Variants in RADIL observed in about 807,000 individuals in gnomAD.
The protein encoded by RADIL is ras-associating and dilute domain-containing protein.
In RADIL, 99 loss-of-function variants were observed where a neutral mutation model predicts 97.6. That is an observed-to-expected ratio of 1.01 (90% CI 0.86 to 1.20). RADIL has a LOEUF of 1.20. Among genes scored for constraint, RADIL ranks in the 50% most tolerant of loss-of-function variants. The pLI is 0.00. For missense variants in RADIL, 1,765 were observed against 1,498.9 expected (o/e 1.18, Z -2.93); for synonymous variants, 803 against 691.8 (o/e 1.16, Z -2.52).
At position 4,821,795 on chromosome 7, in the gene RADIL, G is replaced by A. The variant is rs2115197476; in HGVS notation, c.1615+599C>T. Among the ~76,000 whole-genome samples, 1 of 152,272 alleles carries A rather than the reference G, an allele frequency of 6.6e-6. No individual in the cohort carries two copies. Among genetic ancestry groups the A allele is most frequent in the East Asian group, 1.9e-4 (1 of 5,164 alleles). ...CGCTTGAACCTGGGAGACGGAGCTTGCAGTGAGCCAAGATCGCACCATTGC... is the reference window on the plus strand; with the variant it reads ...CGCTTGAACCTGGGAGACGGAGCTTACAGTGAGCCAAGATCGCACCATTGC... On this transcript the variant is annotated intron_variant, in intron 6 of 14. Transcript: ENST00000399583. The surrounding 1 kb of genome is among the most constrained non-coding windows in gnomAD (Gnocchi z 5.2).
At position 4,861,655 on chromosome 7, in the gene RADIL, G is replaced by T. The variant is rs371428896; in HGVS notation, c.535+15950C>A. On this transcript the variant is annotated intron_variant, in intron 2 of 14. Transcript: ENST00000399583. ...GCTGCAGTTCCTCTTCCTCTTCGAA[G>T]ACCCCGAAGGGCCTGAGGGTTTCTA... 3 of 1,605,876 alleles carry T rather than the reference G, an allele frequency of 1.9e-6. No individual in the cohort carries two copies. In the South Asian group the frequency reaches 3.3e-5, roughly 18 times the overall value.
chr7:4,815,221 C>G lies in RADIL; in HGVS notation c.2139+57G>C. 6.9e-7 allele frequency: 1 copy of G among 1,456,400 alleles called. No individual in the cohort carries two copies. The highest frequency in any genetic ancestry group is 2.6e-5 in the East Asian group (1 of 38,544). The allele number at this position is 1,456,400 out of a possible 1,614,324, so 90.2% of individuals were successfully genotyped here. ...CAGGCTTGGTTTGTGAGCCAGGGAC[C>G]CACAGCATGTGGCCCCGCCCCTCCC... is the stretch of plus-strand genomic sequence containing the variant. On this transcript the variant is annotated intron_variant, in intron 9 of 14. Coordinates refer to ENST00000399583, the MANE Select transcript of RADIL (RefSeq NM_018059.5). This position sits in a 1 kb window ranked among gnomAD's most constrained non-coding sequence, Gnocchi z 8.0.
At chr7:4,828,159 A>G (rs1396472995) in intron 5 of RADIL, among the ~76,000 whole-genome samples, 1 of 152,256 alleles carries the variant, frequency 6.6e-6, no homozygotes, top group Non-Finnish European at 1.5e-5. Flanking sequence ...GAGGCTCCTC[A>G]AAATATTAAA....
At position 4,817,629 on chromosome 7, in the gene RADIL, A is replaced by C. The variant is rs1355056067; in HGVS notation, c.1616-278T>G. On this transcript the variant is annotated intron_variant, in intron 6 of 14. Transcript: ENST00000399583. The surrounding 1 kb of genome is among the most constrained non-coding windows in gnomAD (Gnocchi z 8.3). ...CCAGCCCAGCCCAGCCCAAGCGCTC[A>C]TTCACTCCCACGTTCTGGATACGTT... Among the ~76,000 whole-genome samples the C allele has an allele frequency of 6.6e-6, 1 of 152,050 alleles. No individual in the cohort carries two copies. Among genetic ancestry groups the C allele is most frequent in the Non-Finnish European group, 1.5e-5 (1 of 68,002 alleles).
intron 9 of RADIL, among the ~76,000 whole-genome samples, chr7:4,807,156 T>A (rs1782337718): frequency 6.6e-6 from 1 of 152,004 alleles, no homozygotes; most frequent in African/African-American, 2.4e-5. Context: ...GCTCTGTTTC[T>A]CTCCCATGTG....
At chr7:4,820,486 G>C (rs954234981) in intron 6 of RADIL, among the ~76,000 whole-genome samples, 9 of 152,350 alleles carry the variant, frequency 5.9e-5, no homozygotes, top group African/African-American at 1.9e-4. Flanking sequence ...GGGGGGCAAG[G>C]GCACAGGCCA....
chr7:4,829,264 G>C (rs1051521576), intron 5 of RADIL, among the ~76,000 whole-genome samples: 27 of 152,200 alleles, frequency 1.8e-4, no homozygotes, highest in Non-Finnish European at 3.7e-4. Flanking sequence ...GTCAGGCTGG[G>C]AGGCAGAGCC....
rs1304873013 is a variant in RADIL at position 4,821,323 on chromosome 7, C to T, written c.1615+1071G>A. Among the ~76,000 whole-genome samples, 2 of 152,176 alleles carry T rather than the reference C, an allele frequency of 1.3e-5. No homozygotes were observed. Among genetic ancestry groups the T allele is most frequent in the East Asian group, 3.9e-4 (2 of 5,176 alleles). ...CCGTTGGGGGCAGAACCAAGGCTTC[C>T]CATGAGAGGTCTGGCCCCCAGTTCC... On this transcript the variant is annotated intron_variant, in intron 6 of 14. Coordinates refer to ENST00000399583, the MANE Select transcript of RADIL (RefSeq NM_018059.5). This position sits in a 1 kb window ranked among gnomAD's most constrained non-coding sequence, Gnocchi z 5.2.
chr7:4,805,741 G>A, intron 9 of RADIL, 25 bp from the exon 10 acceptor site: 2 of 1,596,786 alleles, frequency 1.3e-6, no homozygotes. Flanking sequence ...GGAGCTCATG[G>A]TCACAGGTCT....
In RADIL at chr7:4,840,147, A is replaced by T. The variant is rs1783404763; in HGVS notation, c.536-3542T>A. 6.6e-6 allele frequency among the ~76,000 whole-genome samples: 1 copy of T among 152,222 alleles called. No homozygotes were observed. The highest frequency in any genetic ancestry group is 2.1e-4 in the South Asian group (1 of 4,832). On this transcript the variant is annotated intron_variant, in intron 2 of 14. Coordinates refer to ENST00000399583, the MANE Select transcript of RADIL (RefSeq NM_018059.5). This position sits in a 1 kb window ranked among gnomAD's most constrained non-coding sequence, Gnocchi z 5.6. ...CCCTGTCCCAAGATGAGGCTGCGGC[A>T]GATGGGACCCAGCACTCTGCTCCCA... is the stretch of plus-strand genomic sequence containing the variant.
chr7:4,812,338 A>G (rs114810045), intron 9 of RADIL, among the ~76,000 whole-genome samples: 3,580 of 152,228 alleles, frequency 0.024, 143 homozygotes, highest in African/African-American at 0.081. Context: ...CTAATTTTTA[A>G]TTTTTACTGT....
chr7:4,831,725 CA>C (rs397890944), intron 5 of RADIL, among the ~76,000 whole-genome samples: 139 of 141,542 alleles, frequency 9.8e-4, no homozygotes, highest in Middle Eastern at 7.4e-3. Context: ...ACTAAAAGTA[CA>C]AAAAAAAAAA....
intron 2 of RADIL, chr7:4,861,462 C>A: frequency 6.2e-7 from 1 of 1,614,092 alleles, no homozygotes; most frequent in Non-Finnish European, 8.5e-7. Flanking sequence ...ACGCACAAGG[C>A]GTCAATATCT....
At chr7:4,860,005 G>A (rs1318535434) in intron 2 of RADIL, 4 of 1,613,792 alleles carry the variant, frequency 2.5e-6, no homozygotes, top group Admixed American at 1.7e-5. Context: ...ATGGAGAAAT[G>A]GCAGGCTGAG....
At chr7:4,827,626 A>C (rs1367460075) in intron 5 of RADIL, among the ~76,000 whole-genome samples, 1 of 152,172 alleles carries the variant, frequency 6.6e-6, no homozygotes, top group Admixed American at 6.5e-5. Flanking sequence ...GTGCCACTGT[A>C]CTCCAGCCTG....
chr7:4,809,254 A>T (rs928066630), intron 9 of RADIL: 429 of 985,196 alleles, frequency 4.4e-4, no homozygotes, highest in Non-Finnish European at 4.8e-4. Context: ...CTGGCCGCCA[A>T]GCTGGGCGAG....
Position 4,819,659 on chromosome 7 carries a change from C to G in RADIL, c.1616-2308G>C, listed in dbSNP as rs188659025. 1.3e-5 allele frequency among the ~76,000 whole-genome samples: 2 copies of G among 152,340 alleles called. No individual in the cohort carries two copies. Among genetic ancestry groups the G allele is most frequent in the African/African-American group, 4.8e-5 (2 of 41,582 alleles). On this transcript the variant is annotated intron_variant, in intron 6 of 14. Transcript: ENST00000399583. The surrounding 1 kb of genome is among the most constrained non-coding windows in gnomAD (Gnocchi z 5.8). ...AGTGTTTGCGGAATGACAACAGCCACGTGACCCACCCTCGGGACGCGACAG... is the reference window on the plus strand; with the variant it reads ...AGTGTTTGCGGAATGACAACAGCCAGGTGACCCACCCTCGGGACGCGACAG...
At chr7:4,805,215 C>T (rs1782261219) in intron 10 of RADIL, 1 of 298,788 alleles carries the variant, frequency 3.3e-6, no homozygotes, top group African/African-American at 2.1e-5. Context: ...GGGATGCGTC[C>T]CCACGGCTGT....
chr7:4,843,446 T>C (rs1472213477), intron 2 of RADIL, among the ~76,000 whole-genome samples: 1 of 152,120 alleles, frequency 6.6e-6, no homozygotes, highest in African/African-American at 2.4e-5. Context: ...CACCCTTTTC[T>C]AAGCTAGCAA....
Sources: gnomAD v4.1 joint callset for allele counts (sites outside exome capture counted in the v4.1 genomes callset) on GRCh38, gnomAD v4.1.1 for gene constraint, Gnocchi (gnomAD v3.1) non-coding constraint, MANE v1.5 for transcripts, NCBI Gene and HGNC (gene_info 2026-07-23, HGNC 2026-07-21) for gene names.